The following CRIM1 variants were observed in gnomAD, a reference collection of about 807,000 sequenced individuals.
CRIM1 encodes the protein cysteine-rich motor neuron 1 protein.
Under a neutral mutation model 116.4 loss-of-function variants are expected in CRIM1, and 32 were observed. That is an observed-to-expected ratio of 0.27 (90% confidence interval 0.21 to 0.37). The LOEUF (loss-of-function observed/expected upper bound fraction) is 0.37. CRIM1 is among the 10% of genes least tolerant of loss of function. CRIM1 has a pLI of 1.00. For synonymous variants in CRIM1, 590 were observed against 509.2 expected, an observed-to-expected ratio of 1.16 and a Z score of -2.13; for missense variants, 1,331 against 1,354.8, an observed-to-expected ratio of 0.98 and a Z score of 0.28.
At chr2:36,537,079 C>G (rs1490702605) in intron 13 of CRIM1, among the ~76,000 whole-genome samples, 1 of 152,158 alleles carries the variant, frequency 6.6e-6, no homozygotes, top group Non-Finnish European at 1.5e-5. Flanking sequence ...TTATCTCTTT[C>G]TAGATGACAG....
chr2:36,358,634 G>A (rs1173080066), intron 1 of CRIM1, among the ~76,000 whole-genome samples: 2 of 152,144 alleles, frequency 1.3e-5, no homozygotes, highest in African/African-American at 2.4e-5. Context: ...AACACCCTGT[G>A]TGCTTGGTAT....
At chr2:36,358,365 C>G (rs1668996393) in intron 1 of CRIM1, among the ~76,000 whole-genome samples, 1 of 152,186 alleles carries the variant, frequency 6.6e-6, no homozygotes, top group Non-Finnish European at 1.5e-5. Flanking sequence ...CTGAAAAGAA[C>G]AGGCGACATG....
At chr2:36,389,830 G>T (rs776754704) in intron 1 of CRIM1, among the ~76,000 whole-genome samples, 6 of 152,138 alleles carry the variant, frequency 3.9e-5, no homozygotes, top group Non-Finnish European at 8.8e-5. Context: ...ATGTTGAAGA[G>T]CATAGAGGTT....
At chr2:36,473,727 A>G (rs1678729269) in intron 5 of CRIM1, among the ~76,000 whole-genome samples, 1 of 152,128 alleles carries the variant, frequency 6.6e-6, no homozygotes, top group Non-Finnish European at 1.5e-5. Flanking sequence ...ATGGCCACGT[A>G]ATATTTTATT....
intron 4 of CRIM1, among the ~76,000 whole-genome samples, chr2:36,451,933 CT>C (rs11340248): frequency 0.52 from 78,542 of 151,950 alleles, 21,913 homozygotes; most frequent in African/African-American, 0.72. Context: ...GATCCATGTG[CT>C]TTTTACCATT....
At chr2:36,478,799 C>T (rs1265685288) in intron 6 of CRIM1, among the ~76,000 whole-genome samples, 1 of 151,872 alleles carries the variant, frequency 6.6e-6, no homozygotes, top group Non-Finnish European at 1.5e-5. Flanking sequence ...GAGAGGGTTT[C>T]ATATGCAGTA....
intron 1 of CRIM1, among the ~76,000 whole-genome samples, chr2:36,368,075 C>A (rs1669710945): frequency 6.6e-6 from 1 of 152,246 alleles, no homozygotes; most frequent in African/African-American, 2.4e-5. Flanking sequence ...CTGCAGGCAG[C>A]AGCCAAATTC....
chr2:36,481,215 C>G (rs777433188), intron 7 of CRIM1, among the ~76,000 whole-genome samples: 1 of 152,172 alleles, frequency 6.6e-6, no homozygotes, highest in Non-Finnish European at 1.5e-5. Flanking sequence ...TCCTTTTGCA[C>G]CCACCTTTTG....
intron 1 of CRIM1, among the ~76,000 whole-genome samples, chr2:36,359,873 T>C (rs1176459377): frequency 2.6e-5 from 4 of 152,162 alleles, no homozygotes; most frequent in African/African-American, 9.7e-5. Flanking sequence ...TTTTCCTCTT[T>C]CCATTCGTCT....
intron 1 of CRIM1, among the ~76,000 whole-genome samples, chr2:36,358,168 C>T (rs1440593769): frequency 1.3e-5 from 2 of 152,152 alleles, no homozygotes; most frequent in Non-Finnish European, 2.9e-5. Flanking sequence ...AAAAAAGCCT[C>T]TCACCTGGTA....
chr2:36,522,310 A>G lies in CRIM1; in HGVS notation c.2425A>G (p.Ile809Val). 1.9e-6 allele frequency: 3 copies of G among 1,611,698 alleles called. No homozygotes were observed. The highest frequency in any genetic ancestry group is 1.7e-6 in the Non-Finnish European group (2 of 1,177,776). ...AAAAGGCCAGTGTTGTCCCTACTGC[A>G]TAGGTAAGACCAAGGAAAAAAAAAT... ...LRKGQCCPYC[I>V]EDTIPKKVVC... Residue 809 changes from isoleucine (I) to valine (V), a missense_variant, in exon 13 of 17, where the codon ATA becomes GTA. Coordinates refer to ENST00000280527, the MANE Select transcript of CRIM1 (RefSeq NM_016441.3).
chr2:36,363,691 T>C (rs3770958), intron 1 of CRIM1, among the ~76,000 whole-genome samples: 88,213 of 151,872 alleles, frequency 0.58, 26,305 homozygotes, highest in South Asian at 0.67. Context: ...AATACTTAAT[T>C]TGGGGAGGAG....
chr2:36,372,372 G>C (rs41516848), intron 1 of CRIM1, among the ~76,000 whole-genome samples: 2,251 of 152,220 alleles, frequency 0.015, 65 homozygotes, highest in African/African-American at 0.051. Flanking sequence ...ATTCAGTGTG[G>C]AATTGTTTTT....
chr2:36,502,590 G>GC (rs769332049), intron 8 of CRIM1, among the ~76,000 whole-genome samples: 16 of 152,092 alleles, frequency 1.1e-4, no homozygotes, highest in Non-Finnish European at 1.8e-4. Context: ...AGGTATTAAG[G>GC]CCACAAAGAT....
At chr2:36,418,365 G>A (rs909822433) in intron 2 of CRIM1, among the ~76,000 whole-genome samples, 3 of 152,066 alleles carry the variant, frequency 2.0e-5, no homozygotes, top group African/African-American at 4.8e-5. Context: ...GTGCAGTGGT[G>A]CAATTATGGT....
intron 13 of CRIM1, chr2:36,529,092 T>G: frequency 2.1e-6 from 1 of 471,050 alleles, no homozygotes; most frequent in South Asian, 1.5e-5. Flanking sequence ...GAAGTTAGGC[T>G]GCTGCACTGC....
At chr2:36,447,645 C>T (rs948747363) in intron 4 of CRIM1, among the ~76,000 whole-genome samples, 1 of 152,208 alleles carries the variant, frequency 6.6e-6, no homozygotes. Context: ...TTACAGAACA[C>T]TTCTGCCATG....
intron 7 of CRIM1, among the ~76,000 whole-genome samples, chr2:36,489,642 A>T (rs1558362002): frequency 6.6e-6 from 1 of 152,172 alleles, no homozygotes; most frequent in Non-Finnish European, 1.5e-5. Context: ...CTGACTTCCT[A>T]ACACTGAGAT....
At chr2:36,374,452 T>G (rs567037870) in intron 1 of CRIM1, among the ~76,000 whole-genome samples, 14 of 152,194 alleles carry the variant, frequency 9.2e-5, no homozygotes, top group Non-Finnish European at 1.8e-4. Context: ...TAGCTTCATG[T>G]TTTTGTGTAT....
Sources: allele counts gnomAD v4.1 joint callset (sites outside exome capture counted in the v4.1 genomes callset), GRCh38; gene constraint gnomAD v4.1.1; transcripts MANE v1.5; gene names NCBI Gene and HGNC (gene_info 2026-07-23, HGNC 2026-07-21).